DPYD: variants seen among roughly 807,000 people sequenced by gnomAD.
The protein encoded by DPYD is dihydropyrimidine dehydrogenase.
DPYD carries 109 observed loss-of-function variants against 116.2 expected under a neutral mutation model. The ratio of observed to expected loss-of-function variants is 0.94; its 90% CI spans 0.80 to 1.10. DPYD has a LOEUF of 1.10. Ranked by LOEUF, DPYD falls within the 50% of genes least tolerant of loss-of-function variation. The probability of loss-of-function intolerance (pLI) is 0.00; values close to 1 mark genes in which losing one functional copy is unlikely to be tolerated. For synonymous variants in DPYD, 440 were observed against 432.0 expected, an observed-to-expected ratio of 1.02 and a Z score of -0.23; for missense variants, 1,302 against 1,254.5, an observed-to-expected ratio of 1.04 and a Z score of -0.57.
At chr1:97,906,222 G>C (rs1673610691) in intron 1 of DPYD, among the ~76,000 whole-genome samples, 1 of 151,966 alleles carries the variant, frequency 6.6e-6, no homozygotes, top group Non-Finnish European at 1.5e-5. Context: ...AAGGGAAACT[G>C]TAACAAAACT....
chr1:97,162,681 T>G (rs1369475738), intron 20 of DPYD, among the ~76,000 whole-genome samples: 5 of 152,140 alleles, frequency 3.3e-5, no homozygotes, highest in Non-Finnish European at 7.3e-5. Context: ...AAGTCAATCC[T>G]AAGCCAAAAG....
chr1:97,759,007 A>G (rs1665418374), intron 3 of DPYD, among the ~76,000 whole-genome samples: 1 of 152,306 alleles, frequency 6.6e-6, no homozygotes, highest in African/African-American at 2.4e-5. Context: ...AATAAAGTAC[A>G]CAAAGTGTTG....
At chr1:97,175,464 T>G (rs115120067) in intron 20 of DPYD, among the ~76,000 whole-genome samples, 1,614 of 152,306 alleles carry the variant, frequency 0.011, 32 homozygotes, top group African/African-American at 0.038. Context: ...CCAAAACATT[T>G]CCTTGATCTC....
intron 3 of DPYD, among the ~76,000 whole-genome samples, chr1:97,751,818 AG>A (rs1355250656): frequency 6.6e-6 from 1 of 150,400 alleles, no homozygotes; most frequent in East Asian, 2.0e-4. Flanking sequence ...ACTGGAGTGC[AG>A]TGGTGCCATC....
chr1:97,523,356 G>C (rs551510589), intron 12 of DPYD, among the ~76,000 whole-genome samples: 1 of 152,134 alleles, frequency 6.6e-6, no homozygotes, highest in South Asian at 2.1e-4. Flanking sequence ...AGAATTTTTG[G>C]GGGGAGACTG....
At chr1:97,646,454 A>G (rs1349283258) in intron 8 of DPYD, among the ~76,000 whole-genome samples, 1 of 150,306 alleles carries the variant, frequency 6.7e-6, no homozygotes, top group Non-Finnish European at 1.5e-5. Flanking sequence ...CTTCTTTTAT[A>G]TTTTGTCAAC....
intron 13 of DPYD, among the ~76,000 whole-genome samples, chr1:97,460,780 T>C (rs891734989): frequency 1.3e-5 from 2 of 152,156 alleles, no homozygotes; most frequent in Admixed American, 1.3e-4. Context: ...GGCTCATGCC[T>C]GTAATCCCAG....
At chr1:97,337,109 A>G (rs1424873854) in intron 16 of DPYD, among the ~76,000 whole-genome samples, 1 of 152,188 alleles carries the variant, frequency 6.6e-6, no homozygotes, top group East Asian at 1.9e-4. Context: ...TGAAAAATAG[A>G]CAAGTGTATT....
intron 7 of DPYD, among the ~76,000 whole-genome samples, chr1:97,683,435 G>A (rs1451707905): frequency 6.6e-6 from 1 of 151,584 alleles, no homozygotes; most frequent in Non-Finnish European, 1.5e-5. Context: ...AAACTACGAA[G>A]CAGAAGAAAT....
At chr1:97,590,745 C>T (rs1457746975) in intron 10 of DPYD, among the ~76,000 whole-genome samples, 4 of 152,294 alleles carry the variant, frequency 2.6e-5, no homozygotes, top group African/African-American at 9.6e-5. Context: ...TTCCAAGGTG[C>T]TATGCCTCTA....
chr1:97,246,851 T>C (rs1001668963), intron 18 of DPYD, among the ~76,000 whole-genome samples: 1 of 152,090 alleles, frequency 6.6e-6, no homozygotes, highest in African/African-American at 2.4e-5. Flanking sequence ...TTAATAAAAA[T>C]AATATTCCTA....
At chr1:97,464,816 G>A (rs1677223813) in intron 13 of DPYD, among the ~76,000 whole-genome samples, 1 of 152,296 alleles carries the variant, frequency 6.6e-6, no homozygotes, top group African/African-American at 2.4e-5. Flanking sequence ...CAGTGCAGAA[G>A]GGAAATGTGA....
intron 3 of DPYD, among the ~76,000 whole-genome samples, chr1:97,747,120 C>CA (rs888458673): frequency 6.6e-6 from 1 of 150,970 alleles, no homozygotes; most frequent in African/African-American, 2.4e-5. Flanking sequence ...TAAAACTGAA[C>CA]AAAAAATAAG....
intron 19 of DPYD, among the ~76,000 whole-genome samples, chr1:97,212,782 A>C (rs1360304503): frequency 6.6e-6 from 1 of 152,136 alleles, no homozygotes; most frequent in East Asian, 1.9e-4. Flanking sequence ...AAATGTCAAC[A>C]TAGTGTACCG....
At chr1:97,730,582 C>T (rs969399731) in intron 4 of DPYD, among the ~76,000 whole-genome samples, 20 of 151,872 alleles carry the variant, frequency 1.3e-4, no homozygotes, top group Admixed American at 9.8e-4. Context: ...TAAGAAAGTG[C>T]TTTATAGTTT....
intron 8 of DPYD, among the ~76,000 whole-genome samples, chr1:97,658,886 G>C (rs1487434931): frequency 6.6e-6 from 1 of 152,046 alleles, no homozygotes; most frequent in African/African-American, 2.4e-5. Flanking sequence ...AAACACTAGA[G>C]GTTTATAATG....
intron 16 of DPYD, among the ~76,000 whole-genome samples, chr1:97,358,433 G>A (rs1670534494): frequency 6.6e-6 from 1 of 152,202 alleles, no homozygotes; most frequent in South Asian, 2.1e-4. Flanking sequence ...CTGTCTGACA[G>A]CTCTGAAGAG....
chr1:97,174,177 T>A (rs1657088235), intron 20 of DPYD, among the ~76,000 whole-genome samples: 1 of 152,126 alleles, frequency 6.6e-6, no homozygotes, highest in Admixed American at 6.5e-5. Context: ...GCCCTGCATG[T>A]AATATCCTAT....
intron 13 of DPYD, among the ~76,000 whole-genome samples, chr1:97,478,141 T>C (rs976430316): frequency 6.6e-6 from 1 of 152,104 alleles, no homozygotes; most frequent in African/African-American, 2.4e-5. Context: ...AATAACCAGG[T>C]TGATTGTCAA....
Sources: allele counts gnomAD v4.1 joint callset (sites outside exome capture counted in the v4.1 genomes callset), GRCh38; gene constraint gnomAD v4.1.1; transcripts MANE v1.5; gene names NCBI Gene and HGNC (gene_info 2026-07-23, HGNC 2026-07-21).